Variants in EML4 observed in about 807,000 individuals in gnomAD.
EML4 encodes the protein echinoderm microtubule-associated protein-like 4.
Under a neutral mutation model 129.0 loss-of-function variants are expected in EML4, and 72 were observed. The observed-to-expected ratio is 0.56, with a 90% confidence interval of 0.46 to 0.68. The LOEUF is 0.68. Among genes scored for constraint, EML4 ranks in the 30% least tolerant of loss-of-function variants. The pLI is 0.00. For synonymous variants in EML4, 532 were observed against 405.0 expected (o/e 1.31, Z -3.77); for missense variants, 1,363 against 1,190.6 (o/e 1.14, Z -2.13).
intron 1 of EML4, among the ~76,000 whole-genome samples, chr2:42,186,765 CA>C (rs1476848570): frequency 3.3e-5 from 5 of 152,126 alleles, no homozygotes; most frequent in African/African-American, 1.2e-4. Flanking sequence ...AGTAGAACTA[CA>C]GAGTAGTTTT....
Position 42,238,042 on chromosome 2 carries a change from A to G in EML4, c.26-7463A>G, listed in dbSNP as rs561064903. On this transcript the variant is annotated intron_variant, in intron 1 of 22. Transcript: ENST00000318522. ...TTTGTTTTCTGATAGTTCAGTATAC[A>G]CTTTATTTCATGCACAAAATTATTT... Among the ~76,000 whole-genome samples the G allele has an allele frequency of 6.6e-5, 10 of 152,328 alleles. No homozygotes were observed. In the East Asian group the frequency reaches 1.9e-3, roughly 29 times the overall value.
chr2:42,321,388 TAAA>T (rs954913581), intron 19 of EML4, among the ~76,000 whole-genome samples: 2 of 150,146 alleles, frequency 1.3e-5, no homozygotes, highest in Admixed American at 1.3e-4. Context: ...TCTGAAAAAA[TAAA>T]AAAAAAGTAG....
intron 6 of EML4, among the ~76,000 whole-genome samples, chr2:42,279,867 G>C (rs1666909997): frequency 6.6e-6 from 1 of 151,928 alleles, no homozygotes; most frequent in Non-Finnish European, 1.5e-5. Context: ...TTTCTCTGAT[G>C]ATTAGTGATG....
intron 1 of EML4, among the ~76,000 whole-genome samples, chr2:42,234,914 T>G (rs955393366): frequency 2.0e-5 from 3 of 152,228 alleles, no homozygotes; most frequent in African/African-American, 7.2e-5. Flanking sequence ...CCCAACACTT[T>G]GGGAGGCCAA....
chr2:42,200,063 A>G (rs1672127799), intron 1 of EML4, among the ~76,000 whole-genome samples: 1 of 151,200 alleles, frequency 6.6e-6, no homozygotes, highest in Non-Finnish European at 1.5e-5. Flanking sequence ...TAATCCCAGC[A>G]CTTTGGGAGG....
chr2:42,177,058 G>A (rs549839198), intron 1 of EML4, among the ~76,000 whole-genome samples: 23 of 152,294 alleles, frequency 1.5e-4, no homozygotes, highest in African/African-American at 5.5e-4. Flanking sequence ...CTCCCAGAGT[G>A]CTGGGGGATT....
intron 7 of EML4, 75 bp downstream of exon 7, chr2:42,281,048 C>A: frequency 7.8e-6 from 9 of 1,153,242 alleles, no homozygotes; most frequent in Admixed American, 2.8e-5. Context: ...TATTCTCTGT[C>A]AAAATTGTCT....
intron 1 of EML4, among the ~76,000 whole-genome samples, chr2:42,188,528 T>C (rs918427883): frequency 4.0e-5 from 6 of 150,814 alleles, no homozygotes; most frequent in African/African-American, 1.2e-4. Context: ...TGGGTACTTA[T>C]ATTTTAGGGT....
intron 2 of EML4, among the ~76,000 whole-genome samples, chr2:42,249,293 A>ATTTT (rs10699779): frequency 0.29 from 43,967 of 151,244 alleles, 7,611 homozygotes; most frequent in East Asian, 0.57. Context: ...TTTATGTGTG[A>ATTTT]TTTTTTAGCC....
chr2:42,277,911 C>T (rs764323850), intron 6 of EML4, among the ~76,000 whole-genome samples: 1 of 152,172 alleles, frequency 6.6e-6, no homozygotes, highest in African/African-American at 2.4e-5. Flanking sequence ...TGCAGACATT[C>T]AAGAAGTAAT....
intron 1 of EML4, among the ~76,000 whole-genome samples, chr2:42,219,670 G>A (rs965035958): frequency 6.6e-6 from 1 of 152,010 alleles, no homozygotes. Flanking sequence ...GTAATCCCAG[G>A]ATTTTGGGAG....
intron 6 of EML4, among the ~76,000 whole-genome samples, chr2:42,276,463 T>C (rs1398536887): frequency 6.6e-6 from 1 of 152,204 alleles, no homozygotes; most frequent in Non-Finnish European, 1.5e-5. Flanking sequence ...TTGTGTTGTT[T>C]TAAAGTGTAC....
chr2:42,322,298 T>G, intron 19 of EML4, among the ~76,000 whole-genome samples: 1 of 152,204 alleles, frequency 6.6e-6, no homozygotes, highest in East Asian at 1.9e-4. Flanking sequence ...TGCAGCAACG[T>G]TTCAGTTACT....
At chr2:42,178,617 A>AT (rs1670755546) in intron 1 of EML4, among the ~76,000 whole-genome samples, 1 of 152,184 alleles carries the variant, frequency 6.6e-6, no homozygotes, top group Non-Finnish European at 1.5e-5. Context: ...CTGTCACGTG[A>AT]GAGATCCCTG....
chr2:42,286,567 T>A (rs1400959154), intron 10 of EML4, among the ~76,000 whole-genome samples, 188 bp downstream of exon 10: 1 of 152,190 alleles, frequency 6.6e-6, no homozygotes, highest in East Asian at 1.9e-4. Context: ...AGTACTTTGG[T>A]TTAGTTAGGA....
intron 1 of EML4, among the ~76,000 whole-genome samples, chr2:42,239,121 C>T (rs192264737): frequency 8.5e-5 from 13 of 152,298 alleles, no homozygotes; most frequent in African/African-American, 3.1e-4. Context: ...ACAGTGCTTG[C>T]AGCGTAGTAA....
At chr2:42,230,188 C>A (rs1380492540) in intron 1 of EML4, among the ~76,000 whole-genome samples, 1 of 152,136 alleles carries the variant, frequency 6.6e-6, no homozygotes, top group Non-Finnish European at 1.5e-5. Context: ...ACAACCACAA[C>A]AAATCAACCA....
chr2:42,175,108 T>C (rs1670525452), intron 1 of EML4, among the ~76,000 whole-genome samples: 1 of 144,518 alleles, frequency 6.9e-6, no homozygotes, highest in Non-Finnish European at 1.5e-5. Flanking sequence ...CCTGGCCGTG[T>C]TTTTGTTTGT....
chr2:42,307,105 G>T (rs1668648652), intron 17 of EML4, among the ~76,000 whole-genome samples: 1 of 152,194 alleles, frequency 6.6e-6, no homozygotes, highest in African/African-American at 2.4e-5. Flanking sequence ...AAGGCTAGCG[G>T]GGTTTGAATC....
Sources: allele counts gnomAD v4.1 joint callset (sites outside exome capture counted in the v4.1 genomes callset), GRCh38; gene constraint gnomAD v4.1.1; transcripts MANE v1.5; gene names NCBI Gene and HGNC (gene_info 2026-07-23, HGNC 2026-07-21).